The following GAB1 variants were observed in gnomAD, a reference collection of about 807,000 sequenced individuals.
GAB1 encodes the protein GRB2-associated-binding protein 1.
Under a neutral mutation model 66.5 loss-of-function variants are expected in GAB1, and 19 were observed. That is an observed-to-expected ratio of 0.29 (90% CI 0.20 to 0.42). The LOEUF is 0.42. Among genes scored for constraint, GAB1 ranks in the 10% least tolerant of loss-of-function variants. The pLI, the probability that GAB1 is intolerant of heterozygous loss-of-function variation, is 1.00. For missense variants in GAB1, 732 were observed against 858.5 expected, an observed-to-expected ratio of 0.85 and a Z score of 1.84; for synonymous variants, 294 against 301.4, an observed-to-expected ratio of 0.98 and a Z score of 0.25.
chr4:143,372,317 G>T (rs1036411500), intron 1 of GAB1, among the ~76,000 whole-genome samples: 1 of 151,976 alleles, frequency 6.6e-6, no homozygotes. Flanking sequence ...GACATTTTTG[G>T]TGTTTGTTTA....
At chr4:143,443,834 C>T (rs184685830) in intron 6 of GAB1, among the ~76,000 whole-genome samples, 250 of 152,260 alleles carry the variant, frequency 1.6e-3, no homozygotes, top group Non-Finnish European at 2.7e-3. Flanking sequence ...AGTTTGCATA[C>T]AGATGAGCTT....
At chr4:143,443,827 T>C (rs1174737049) in intron 6 of GAB1, among the ~76,000 whole-genome samples, 1 of 152,198 alleles carries the variant, frequency 6.6e-6, no homozygotes, top group African/African-American at 2.4e-5. Flanking sequence ...CTGCTGTAGT[T>C]TGCATACAGA....
intron 9 of GAB1, 118 bp downstream of exon 9, chr4:143,466,343 T>G: frequency 1.0e-6 from 1 of 958,012 alleles, no homozygotes. Context: ...TTTAGTCTGG[T>G]CTGCTACTTG....
intron 1 of GAB1, among the ~76,000 whole-genome samples, chr4:143,414,159 T>C (rs1321729890): frequency 6.6e-6 from 1 of 152,052 alleles, no homozygotes; most frequent in Admixed American, 6.6e-5. Context: ...ACCTAGAATG[T>C]TGAATCTGGA....
intron 2 of GAB1, among the ~76,000 whole-genome samples, chr4:143,433,100 A>ATG (rs1190295390): frequency 6.6e-6 from 1 of 152,216 alleles, no homozygotes; most frequent in African/African-American, 2.4e-5. Context: ...GGTAAATACT[A>ATG]TGTAATTAAA....
At position 143,397,028 on chromosome 4, in the gene GAB1, G is replaced by A. The variant is rs1003699567; in HGVS notation, c.73-18449G>A. On this transcript the variant is annotated intron_variant, in intron 1 of 9. Coordinates refer to ENST00000262994, the MANE Select transcript of GAB1 (RefSeq NM_002039.4). ...AGGTAGAACTTGGGTTGGGGTGATCGTGTTGCCTGATAAACTGTTCTGTAC... is the reference window on the plus strand; with the variant it reads ...AGGTAGAACTTGGGTTGGGGTGATCATGTTGCCTGATAAACTGTTCTGTAC... Among the ~76,000 whole-genome samples the A allele has an allele frequency of 1.3e-5, 2 of 152,146 alleles. 1 individual carries two copies. The highest frequency in any genetic ancestry group is 1.3e-4 in the Admixed American group (2 of 15,270).
At chr4:143,397,460 GA>G (rs1241672853) in intron 1 of GAB1, among the ~76,000 whole-genome samples, 1 of 152,088 alleles carries the variant, frequency 6.6e-6, no homozygotes, top group Non-Finnish European at 1.5e-5. Flanking sequence ...ATGTACAGAT[GA>G]AACAGCTGCT....
chr4:143,435,969 T>C (rs1007016030), intron 3 of GAB1, among the ~76,000 whole-genome samples: 1 of 152,232 alleles, frequency 6.6e-6, no homozygotes, highest in African/African-American at 2.4e-5. Context: ...TGTTTTTACT[T>C]ACTCTTCACT....
chr4:143,354,577 A>T (rs1729365931), intron 1 of GAB1, among the ~76,000 whole-genome samples: 1 of 152,146 alleles, frequency 6.6e-6, no homozygotes, highest in Non-Finnish European at 1.5e-5. Context: ...CTAAGTTACT[A>T]AAGGGAAGTG....
In GAB1 at chr4:143,405,721, G is replaced by C. The variant is rs1283359703; in HGVS notation, c.73-9756G>C. On this transcript the variant is annotated intron_variant, in intron 1 of 9. Coordinates refer to ENST00000262994, the MANE Select transcript of GAB1 (RefSeq NM_002039.4). ...GGGGGAGGAAAGCAGTTGTACAAAG[G>C]GTTGATTGAAATGCCAAGGTAGAGT... 2.0e-5 allele frequency among the ~76,000 whole-genome samples: 3 copies of C among 152,250 alleles called. No individual in the cohort carries two copies. The South Asian group carries it at 6.2e-4, about 32-fold the overall frequency.
intron 6 of GAB1, chr4:143,457,707 A>G (rs1309046293): frequency 6.4e-7 from 1 of 1,565,580 alleles, no homozygotes; most frequent in East Asian, 2.3e-5. Context: ...TTAAGACTCA[A>G]ACCCCATGGT....
chr4:143,340,535 G>A (rs531112804), intron 1 of GAB1, among the ~76,000 whole-genome samples: 80 of 152,024 alleles, frequency 5.3e-4, no homozygotes, highest in African/African-American at 1.9e-3. Flanking sequence ...TTTTGAGATG[G>A]AGTCTTGCTC....
At position 143,439,725 on chromosome 4, in the gene GAB1, A is replaced by T; in HGVS notation, c.1196-77A>T. The T allele has an allele frequency of 3.2e-6, 3 of 947,556 alleles. No individual in the cohort carries two copies. In the South Asian group the frequency reaches 4.0e-5, roughly 13 times the overall value. 58.7% of individuals were successfully genotyped at this position (947,556 alleles called of 1,614,324 possible). A position where few individuals can be genotyped will look rare whatever the true frequency, so the allele number is the denominator to read the frequency against. On this transcript the variant is annotated intron_variant, in intron 4 of 9. Coordinates refer to ENST00000262994, the MANE Select transcript of GAB1 (RefSeq NM_002039.4). ...TGTATGCATATGTATAATGAGAGAA[A>T]GATAATAGGTCATCCCAATGACCCT...
intron 6 of GAB1, among the ~76,000 whole-genome samples, chr4:143,450,976 A>G (rs920035425): frequency 6.6e-6 from 1 of 152,180 alleles, no homozygotes; most frequent in Non-Finnish European, 1.5e-5. Context: ...ACATTCATAC[A>G]ACACAGATTT....
chr4:143,421,745 T>G (rs546398311), intron 2 of GAB1, among the ~76,000 whole-genome samples: 1 of 150,444 alleles, frequency 6.6e-6, no homozygotes, highest in Admixed American at 6.6e-5. Flanking sequence ...CCTGAGATCT[T>G]GATTTATTGA....
At chr4:143,354,140 T>G (rs758691555) in intron 1 of GAB1, among the ~76,000 whole-genome samples, 3 of 152,192 alleles carry the variant, frequency 2.0e-5, no homozygotes, top group Non-Finnish European at 4.4e-5. Flanking sequence ...CTGTGACTTG[T>G]ACCCTGCACT....
intron 9 of GAB1, among the ~76,000 whole-genome samples, chr4:143,467,177 A>G (rs1735836178): frequency 6.6e-6 from 1 of 152,168 alleles, no homozygotes; most frequent in South Asian, 2.1e-4. Flanking sequence ...GATCAACAAT[A>G]ATTTTCTCTC....
At chr4:143,383,849 A>G (rs1730764090) in intron 1 of GAB1, among the ~76,000 whole-genome samples, 1 of 152,200 alleles carries the variant, frequency 6.6e-6, no homozygotes, top group African/African-American at 2.4e-5. Context: ...CCGAGGTAGG[A>G]GGATCACTTG....
intron 2 of GAB1, among the ~76,000 whole-genome samples, chr4:143,418,686 C>A (rs1732838890): frequency 6.7e-6 from 1 of 148,404 alleles, no homozygotes; most frequent in South Asian, 2.1e-4. Context: ...ACCTCTCTTA[C>A]TTTTTTTTAC....
Sources: allele counts gnomAD v4.1 joint callset (sites outside exome capture counted in the v4.1 genomes callset), GRCh38; gene constraint gnomAD v4.1.1; transcripts MANE v1.5; gene names NCBI Gene and HGNC (gene_info 2026-07-23, HGNC 2026-07-21).